SGCZ: variants seen among roughly 807,000 people sequenced by gnomAD.
The protein encoded by SGCZ is sarcoglycan zeta.
SGCZ carries 40 observed loss-of-function variants against 41.3 expected under a neutral mutation model. The observed-to-expected ratio is 0.97, with a 90% confidence interval of 0.75 to 1.26. SGCZ has a LOEUF of 1.26. Ranked by LOEUF, SGCZ falls within the 50% of genes most tolerant of loss-of-function variation. SGCZ has a pLI of 0.00. For synonymous variants in SGCZ, 206 were observed against 137.5 expected (o/e 1.50, Z -3.49); for missense variants, 552 against 369.8 (o/e 1.49, Z -4.04).
rs115481058 is a variant in SGCZ at position 14,618,016 on chromosome 8, T to A, written c.40-63090A>T. Among the ~76,000 whole-genome samples the A allele has an allele frequency of 1.0e-2, 1,516 of 152,158 alleles. 22 individuals are homozygous for A. Among genetic ancestry groups the A allele is most frequent in the African/African-American group, 0.035 (1,450 of 41,514 alleles). On this transcript the variant is annotated intron_variant, in intron 1 of 7. Transcript: ENST00000382080. ...CCAGAGACCTCTTTGAGTTTCCATT[T>A]TTCTGAGAAAAATGGAAATAGTCTA...
At chr8:14,427,053 T>TGAATGGAGTGAATGAAG (rs1487979283) in intron 2 of SGCZ, among the ~76,000 whole-genome samples, 2 of 142,692 alleles carry the variant, frequency 1.4e-5, no homozygotes, top group African/African-American at 5.1e-5. Context: ...AATGAATGAA[T>TGAATGGAGTGAATGAAG]GAATGAATGA....
rs569957396 is a variant in SGCZ at position 14,589,237 on chromosome 8, T to C, written c.40-34311A>G. Reference sequence around the variant, plus strand: ...GGTGCATGCCTATAATCCCCGCTATTTGGGAGGCTGAGGCAGGAGAATTGT... The same window carrying C: ...GGTGCATGCCTATAATCCCCGCTATCTGGGAGGCTGAGGCAGGAGAATTGT... On this transcript the variant is annotated intron_variant, in intron 1 of 7. Coordinates refer to ENST00000382080, the MANE Select transcript of SGCZ (RefSeq NM_139167.4). Among the ~76,000 whole-genome samples, 11 of 151,690 alleles carry C rather than the reference T, an allele frequency of 7.3e-5. No homozygotes were observed. In the South Asian group the frequency reaches 2.1e-3, roughly 29 times the overall value.
intron 1 of SGCZ, among the ~76,000 whole-genome samples, chr8:14,587,011 T>C (rs1321977346): frequency 1.3e-5 from 2 of 150,552 alleles, no homozygotes; most frequent in African/African-American, 2.4e-5. Context: ...AGAATATCCT[T>C]ATGTGTTTCT....
intron 2 of SGCZ, among the ~76,000 whole-genome samples, chr8:14,377,595 T>G (rs941229612): frequency 6.6e-6 from 1 of 152,000 alleles, no homozygotes; most frequent in South Asian, 2.1e-4. Context: ...TAGTTACATA[T>G]GTATACATGT....
chr8:14,469,115 CCTACCCCTCCACTTTTT>C (rs926522701), intron 2 of SGCZ, among the ~76,000 whole-genome samples: 23 of 152,074 alleles, frequency 1.5e-4, no homozygotes, highest in African/African-American at 5.3e-4. Flanking sequence ...CACCACTTTT[CCTACCCCTCCACTTTTT>C]GCTTCAATGG....
chr8:14,323,224 C>T (rs981163825), intron 3 of SGCZ, among the ~76,000 whole-genome samples: 1 of 152,004 alleles, frequency 6.6e-6, no homozygotes, highest in Non-Finnish European at 1.5e-5. Flanking sequence ...AACTTTAATA[C>T]AAATTATTTA....
rs758287136 is a variant in SGCZ, at chr8:14,678,779, C to A, written c.40-123853G>T. Among the ~76,000 whole-genome samples the A allele has an allele frequency of 1.3e-4, 20 of 152,066 alleles. 1 individual carries two copies. The highest frequency in any genetic ancestry group is 2.0e-4 in the Admixed American group (3 of 15,270). On this transcript the variant is annotated intron_variant, in intron 1 of 7. Coordinates refer to ENST00000382080, the MANE Select transcript of SGCZ (RefSeq NM_139167.4). Reference sequence around the variant, plus strand: ...ATAATTGAAAAAACTTGGAAGCAACCAAGATGTTCTTCAGTAGGTGAACAG... The same window carrying A: ...ATAATTGAAAAAACTTGGAAGCAACAAAGATGTTCTTCAGTAGGTGAACAG...
intron 3 of SGCZ, among the ~76,000 whole-genome samples, chr8:14,275,522 C>T (rs146191160): frequency 6.6e-6 from 1 of 152,136 alleles, no homozygotes; most frequent in Non-Finnish European, 1.5e-5. Context: ...CTCAGCACTT[C>T]TACTCTTCCT....
At chr8:14,656,634 C>A (rs1328325179) in intron 1 of SGCZ, among the ~76,000 whole-genome samples, 4 of 149,836 alleles carry the variant, frequency 2.7e-5, no homozygotes, top group Non-Finnish European at 4.5e-5. Flanking sequence ...CTCTCCTCCC[C>A]TCTCCTTTCC....
At chr8:15,027,245 A>C (rs1330647654) in intron 1 of SGCZ, among the ~76,000 whole-genome samples, 1 of 152,158 alleles carries the variant, frequency 6.6e-6, no homozygotes, top group Non-Finnish European at 1.5e-5. Context: ...GAAGTTCTAG[A>C]ATAAACAAAC....
chr8:14,742,329 C>A lies in SGCZ; in HGVS notation c.40-187403G>T, dbSNP rs144893775. ...CACGCGCGCTCACACACACACACACCTCAGCAACTGACATTAGTTTTGTAA... is the reference window on the plus strand; with the variant it reads ...CACGCGCGCTCACACACACACACACATCAGCAACTGACATTAGTTTTGTAA... On this transcript the variant is annotated intron_variant, in intron 1 of 7. Coordinates refer to ENST00000382080, the MANE Select transcript of SGCZ (RefSeq NM_139167.4). 4.9e-3 allele frequency among the ~76,000 whole-genome samples: 744 copies of A among 152,018 alleles called. 3 individuals are homozygous for A. The highest frequency in any genetic ancestry group is 0.02 in the East Asian group (102 of 5,156).
intron 2 of SGCZ, among the ~76,000 whole-genome samples, chr8:14,331,737 T>C (rs1271104265): frequency 8.6e-5 from 13 of 151,978 alleles, no homozygotes; most frequent in Non-Finnish European, 2.9e-5. Flanking sequence ...GTTGTCAGGG[T>C]TATAAAAGAA....
intron 1 of SGCZ, among the ~76,000 whole-genome samples, chr8:15,135,049 C>T (rs1053475005): frequency 6.6e-6 from 1 of 152,170 alleles, no homozygotes; most frequent in Non-Finnish European, 1.5e-5. Context: ...ATTTAGGCAT[C>T]TTCATATCTG....
chr8:14,270,734 T>A (rs1280514775), intron 3 of SGCZ, among the ~76,000 whole-genome samples: 1 of 152,106 alleles, frequency 6.6e-6, no homozygotes, highest in Non-Finnish European at 1.5e-5. Context: ...ATACATCATT[T>A]CTTATGAAAC....
At chr8:14,556,345 A>T (rs1257281806) in intron 1 of SGCZ, among the ~76,000 whole-genome samples, 1 of 151,658 alleles carries the variant, frequency 6.6e-6, no homozygotes, top group Non-Finnish European at 1.5e-5. Context: ...ATTAATAAGT[A>T]ATTAAATTAT....
At position 15,194,533 on chromosome 8, in the gene SGCZ, A is replaced by C. The variant is rs143047857; in HGVS notation, c.39+43052T>G. Among the ~76,000 whole-genome samples, 403 of 152,280 alleles carry C rather than the reference A, an allele frequency of 2.6e-3. 3 individuals are homozygous for C. Among genetic ancestry groups the C allele is most frequent in the African/African-American group, 9.3e-3 (387 of 41,552 alleles). On this transcript the variant is annotated intron_variant, in intron 1 of 7. Coordinates refer to ENST00000382080, the MANE Select transcript of SGCZ (RefSeq NM_139167.4). ...TTAAACTAAGGGCACTGAGGTGGGG[A>C]AATTATCGTGGATTACCCAAGTGGG...
chr8:14,157,024 G>C (rs1470449061), intron 5 of SGCZ, among the ~76,000 whole-genome samples: 1 of 152,130 alleles, frequency 6.6e-6, no homozygotes, highest in Non-Finnish European at 1.5e-5. Context: ...AGTATTTACT[G>C]TGATCAAGTA....
chr8:15,231,443 C>T (rs933127312), intron 1 of SGCZ, among the ~76,000 whole-genome samples: 2 of 152,008 alleles, frequency 1.3e-5, no homozygotes, highest in Non-Finnish European at 2.9e-5. Context: ...TGTGAGGCTA[C>T]ATAATGCTCT....
rs67199088 is a variant in SGCZ at position 14,401,286 on chromosome 8, T to G, written c.235-77082A>C. On this transcript the variant is annotated intron_variant, in intron 2 of 7. Coordinates refer to ENST00000382080, the MANE Select transcript of SGCZ (RefSeq NM_139167.4). Reference sequence around the variant, plus strand: ...TATATAGTTTTATTTTTATTTATTTTTTTTTCTTTAATTATTATACTTTAA... The same window carrying G: ...TATATAGTTTTATTTTTATTTATTTGTTTTTCTTTAATTATTATACTTTAA... Among the ~76,000 whole-genome samples, 202 of 152,044 alleles carry G rather than the reference T, an allele frequency of 1.3e-3. 1 individual carries two copies. The highest frequency in any genetic ancestry group is 4.0e-3 in the African/African-American group (165 of 41,474).
Sources: allele counts gnomAD v4.1 joint callset (sites outside exome capture counted in the v4.1 genomes callset), GRCh38; gene constraint gnomAD v4.1.1; transcripts MANE v1.5; gene names NCBI Gene and HGNC (gene_info 2026-07-23, HGNC 2026-07-21).